AP3B1: variants seen among roughly 807,000 people sequenced by gnomAD.
AP3B1 encodes adaptor related protein complex 3 subunit beta 1.
A neutral mutation model predicts 132.5 loss-of-function variants in AP3B1; 61 were observed. The observed-to-expected ratio is 0.46, with a 90% CI of 0.37 to 0.57. The LOEUF (loss-of-function observed/expected upper bound fraction) is 0.57. AP3B1 is among the 20% of genes least tolerant of loss of function. The pLI, the probability that AP3B1 is intolerant of heterozygous loss-of-function variation, is 0.00. For synonymous variants in AP3B1, 388 were observed against 438.3 expected (o/e 0.89, Z 1.43); for missense variants, 1,120 against 1,289.4 (o/e 0.87, Z 2.01).
intron 17 of AP3B1, among the ~76,000 whole-genome samples, chr5:78,117,131 T>A (rs539419517): frequency 4.8e-4 from 72 of 150,428 alleles, no homozygotes; most frequent in African/African-American, 1.7e-3. Context: ...TTTAGGGCCT[T>A]CACCCTAGCT....
intron 22 of AP3B1, among the ~76,000 whole-genome samples, chr5:78,083,825 G>C (rs184228603): frequency 1.6e-4 from 24 of 152,186 alleles, no homozygotes; most frequent in Non-Finnish European, 3.2e-4. Context: ...GGAACAAATA[G>C]TGACTTTTTT....
chr5:78,258,393 T>C (rs916027537), intron 2 of AP3B1, among the ~76,000 whole-genome samples: 1 of 152,146 alleles, frequency 6.6e-6, no homozygotes, highest in Non-Finnish European at 1.5e-5. Flanking sequence ...AAGACGTTAC[T>C]CAAAAGAAGA....
At chr5:78,030,947 T>C (rs1373639496) in intron 24 of AP3B1, among the ~76,000 whole-genome samples, 1 of 152,204 alleles carries the variant, frequency 6.6e-6, no homozygotes. Flanking sequence ...CCCAACGTGC[T>C]AGGGTTATGG....
chr5:78,039,276 T>C lies in AP3B1; in HGVS notation c.2578-2A>G. On this transcript the variant is annotated splice_acceptor_variant, in intron 22 of 26. Coordinates refer to ENST00000255194, the MANE Select transcript of AP3B1 (RefSeq NM_003664.5). LOFTEE classifies it high-confidence loss of function. The stretch of plus-strand genomic sequence containing the variant: ...TGGTACAAATGCAGGAGTACTGACC[T>C]ATTACACACGGCAAAAAGAAAAAAA... 6.2e-7 allele frequency: 1 copy of C among 1,611,070 alleles called. No individual in the cohort carries two copies. Among genetic ancestry groups the C allele is most frequent in the Non-Finnish European group, 8.5e-7 (1 of 1,177,186 alleles).
intron 2 of AP3B1, among the ~76,000 whole-genome samples, chr5:78,256,851 A>C (rs1747868601): frequency 1.3e-5 from 2 of 152,224 alleles, no homozygotes; most frequent in Non-Finnish European, 2.9e-5. Context: ...CCTGGGATGC[A>C]AGGATGCTTC....
chr5:78,074,433 G>A (rs1174156998), intron 22 of AP3B1, among the ~76,000 whole-genome samples: 1 of 152,082 alleles, frequency 6.6e-6, no homozygotes, highest in Non-Finnish European at 1.5e-5. Context: ...CCAGGCCAGT[G>A]ATTTTTCATT....
At chr5:78,127,878 T>C (rs1320242844) in intron 17 of AP3B1, 152 bp downstream of exon 17, 18 of 792,324 alleles carry the variant, frequency 2.3e-5, no homozygotes, top group Admixed American at 1.8e-4. Context: ...ATTTAGTTGC[T>C]ATAAAGGCAA....
intron 24 of AP3B1, among the ~76,000 whole-genome samples, chr5:78,030,917 C>G (rs1393431532): frequency 1.3e-5 from 2 of 152,136 alleles, no homozygotes; most frequent in Non-Finnish European, 2.9e-5. Context: ...TGGGCTCAAA[C>G]AATTCTCCCG....
At chr5:78,147,623 T>C (rs1209635764) in intron 14 of AP3B1, among the ~76,000 whole-genome samples, 1 of 152,222 alleles carries the variant, frequency 6.6e-6, no homozygotes, top group African/African-American at 2.4e-5. Context: ...ATTCTCACCA[T>C]ATTTTTGTAT....
intron 24 of AP3B1, among the ~76,000 whole-genome samples, chr5:78,030,702 G>A (rs1189690014): frequency 6.6e-6 from 1 of 152,110 alleles, no homozygotes; most frequent in Non-Finnish European, 1.5e-5. Flanking sequence ...TTACGGGCAG[G>A]GATACACTCT....
chr5:78,157,930 T>A (rs1743221871), intron 13 of AP3B1, among the ~76,000 whole-genome samples: 1 of 152,088 alleles, frequency 6.6e-6, no homozygotes. Context: ...TTTGTATTTT[T>A]AGTAGAGACG....
chr5:78,205,988 CTT>C (rs1386710410), intron 7 of AP3B1, among the ~76,000 whole-genome samples: 1 of 151,136 alleles, frequency 6.6e-6, no homozygotes, highest in Admixed American at 6.7e-5. Flanking sequence ...CCCAAGAAAA[CTT>C]ATTTTTAACT....
At chr5:78,042,749 C>A in intron 22 of AP3B1, 1 of 159,046 alleles carries the variant, frequency 6.3e-6, no homozygotes, top group South Asian at 1.8e-4. Flanking sequence ...CTTATATCAT[C>A]ATGGCTGTCC....
intron 22 of AP3B1, among the ~76,000 whole-genome samples, chr5:78,062,987 T>C (rs1177567151): frequency 6.6e-6 from 1 of 152,224 alleles, no homozygotes; most frequent in East Asian, 1.9e-4. Flanking sequence ...TGTCTCTCGG[T>C]TCTCTATGAG....
At chr5:78,093,366 A>C (rs1312938200) in intron 21 of AP3B1, among the ~76,000 whole-genome samples, 1 of 152,208 alleles carries the variant, frequency 6.6e-6, no homozygotes, top group Admixed American at 6.5e-5. Context: ...AAGAACATGT[A>C]CTTTAAACAG....
At chr5:78,154,219 C>A (rs558318296) in intron 14 of AP3B1, among the ~76,000 whole-genome samples, 7 of 152,150 alleles carry the variant, frequency 4.6e-5, no homozygotes, top group Non-Finnish European at 8.8e-5. Flanking sequence ...GATATTTTCA[C>A]TGGATATACT....
intron 26 of AP3B1, among the ~76,000 whole-genome samples, chr5:78,004,978 T>C (rs1357656790): frequency 1.3e-5 from 2 of 152,234 alleles, no homozygotes; most frequent in Non-Finnish European, 2.9e-5. Flanking sequence ...AAATGATCTC[T>C]CTTTTCTAAG....
chr5:78,235,914 C>T (rs1273009232), intron 3 of AP3B1, among the ~76,000 whole-genome samples: 1 of 152,262 alleles, frequency 6.6e-6, no homozygotes, highest in East Asian at 1.9e-4. Flanking sequence ...ACCTGTGTGT[C>T]TAAAGCAGCA....
intron 13 of AP3B1, among the ~76,000 whole-genome samples, chr5:78,161,118 T>C (rs1743370581): frequency 6.6e-6 from 1 of 151,998 alleles, no homozygotes; most frequent in Non-Finnish European, 1.5e-5. Flanking sequence ...TATGTATTAG[T>C]CTTTCATTTT....
Sources: gnomAD v4.1 joint callset for allele counts (sites outside exome capture counted in the v4.1 genomes callset) on GRCh38, gnomAD v4.1.1 for gene constraint, MANE v1.5 for transcripts, NCBI Gene and HGNC (gene_info 2026-07-23, HGNC 2026-07-21) for gene names.